Variants in PTPRO observed in about 807,000 individuals in gnomAD.
PTPRO encodes the protein protein tyrosine phosphatase receptor type O, also known as receptor-type tyrosine-protein phosphatase O.
A neutral mutation model predicts 145.2 loss-of-function variants in PTPRO; 62 were observed. The observed-to-expected ratio is 0.43, with a 90% CI of 0.35 to 0.53. PTPRO has a LOEUF of 0.53. PTPRO is among the 20% of genes least tolerant of loss of function. PTPRO has a pLI of 0.01. For synonymous variants in PTPRO, 565 were observed against 514.7 expected, an observed-to-expected ratio of 1.10 and a Z score of -1.32; for missense variants, 1,345 against 1,482.7, an observed-to-expected ratio of 0.91 and a Z score of 1.53.
rs190729005 is a variant in PTPRO at position 15,440,281 on chromosome 12, C to A, written c.76-43693C>A. On this transcript the variant is annotated intron_variant, in intron 1 of 26. Coordinates refer to ENST00000281171, the MANE Select transcript of PTPRO (RefSeq NM_030667.3). ...CTAAGACCTACAGCTACCTGACCCC[C>A]AACCTCCGGAAGGAGACTGTATTCA... The A allele has an allele frequency of 1.5e-3, 853 of 586,138 alleles. 4 individuals are homozygous for A. The highest frequency in any genetic ancestry group is 0.013 in the African/African-American group (698 of 52,630). The allele number at this position is 586,138 out of a possible 1,614,324, so 36.3% of individuals were successfully genotyped here.
rs139639203 is a variant in PTPRO at position 15,473,818 on chromosome 12, A to AAC, written c.76-10152_76-10151dup. On this transcript the variant is annotated intron_variant, in intron 1 of 26. Coordinates refer to ENST00000281171, the MANE Select transcript of PTPRO (RefSeq NM_030667.3). Reference sequence around the variant, plus strand: ...ATCAAGTGACTCAAAACTAAAATATAACACAATAACCTTTGAAATACAACT... The same window carrying AAC: ...ATCAAGTGACTCAAAACTAAAATATAACACACAATAACCTTTGAAATACAACT... Among the ~76,000 whole-genome samples the AAC allele has an allele frequency of 5.0e-3, 760 of 152,048 alleles. 53 individuals carry two copies. The East Asian group carries it at 0.13, about 27-fold the overall frequency.
chr12:15,533,571 A>G (rs1203611399), intron 12 of PTPRO, among the ~76,000 whole-genome samples: 3 of 152,170 alleles, frequency 2.0e-5, no homozygotes, highest in Non-Finnish European at 4.4e-5. Context: ...TGCAGTTAAT[A>G]TTTAATCGGA....
intron 1 of PTPRO, among the ~76,000 whole-genome samples, chr12:15,418,478 T>C (rs911592295): frequency 2.0e-4 from 30 of 151,746 alleles, no homozygotes; most frequent in African/African-American, 6.8e-4. Flanking sequence ...GAGGTATAGA[T>C]ACTGTTGATT....
At chr12:15,483,520 G>A (rs749823458) in intron 1 of PTPRO, among the ~76,000 whole-genome samples, 1 of 152,012 alleles carries the variant, frequency 6.6e-6, no homozygotes, top group South Asian at 2.1e-4. Flanking sequence ...GGAAATAGAC[G>A]AAATAACTGC....
At chr12:15,405,622 G>T (rs927019396) in intron 1 of PTPRO, among the ~76,000 whole-genome samples, 1 of 152,074 alleles carries the variant, frequency 6.6e-6, no homozygotes, top group African/African-American at 2.4e-5. Context: ...ATTACTCTTT[G>T]CACAAAAAAT....
chr12:15,467,452 AAC>A (rs1941442499), intron 1 of PTPRO, among the ~76,000 whole-genome samples: 1 of 150,318 alleles, frequency 6.7e-6, no homozygotes, highest in Non-Finnish European at 1.5e-5. Context: ...GTACAAAATC[AAC>A]ACTGTAACCA....
At chr12:15,434,482 G>A (rs560330991) in intron 1 of PTPRO, among the ~76,000 whole-genome samples, 1 of 152,266 alleles carries the variant, frequency 6.6e-6, no homozygotes, top group South Asian at 2.1e-4. Context: ...TCCTGGAAAA[G>A]GGGAAAATTG....
chr12:15,339,187 A>G (rs1469577432), intron 1 of PTPRO, among the ~76,000 whole-genome samples: 1 of 152,192 alleles, frequency 6.6e-6, no homozygotes, highest in Admixed American at 6.5e-5. Flanking sequence ...TAAGTCCAAT[A>G]GAGTTTAAAC....
At chr12:15,585,659 C>G (rs1463038550) in intron 23 of PTPRO, among the ~76,000 whole-genome samples, 1 of 152,170 alleles carries the variant, frequency 6.6e-6, no homozygotes, top group Non-Finnish European at 1.5e-5. Context: ...TAGCTCAAAA[C>G]TGACAGCGAG....
intron 7 of PTPRO, among the ~76,000 whole-genome samples, chr12:15,513,100 A>AAAGAAAG (rs1942480114): frequency 6.6e-5 from 1 of 15,256 alleles, no homozygotes; most frequent in African/African-American, 1.5e-4. Flanking sequence ...AAGAAGAAAG[A>AAAGAAAG]AAGAAAGAAA....
At chr12:15,513,084 GA>G (rs199514440) in intron 7 of PTPRO, among the ~76,000 whole-genome samples, 5,470 of 87,144 alleles carry the variant, frequency 0.063, 771 homozygotes, top group Admixed American at 0.091. Context: ...AAGAAAGAAA[GA>G]AAGAAAGAAG....
rs191087652 is a variant in PTPRO at position 15,541,325 on chromosome 12, C to G, written c.2165-5244C>G. 1.3e-3 allele frequency among the ~76,000 whole-genome samples: 194 copies of G among 152,242 alleles called. 2 individuals carry two copies. The highest frequency in any genetic ancestry group is 4.4e-3 in the African/African-American group (184 of 41,556). On this transcript the variant is annotated intron_variant, in intron 12 of 26. Coordinates refer to ENST00000281171, the MANE Select transcript of PTPRO (RefSeq NM_030667.3). Reference sequence around the variant, plus strand: ...CTCAACATTATTGGTTTTTTCCTATCCTTCTGCTTTAGAAGACTGACTGTA... The same window carrying G: ...CTCAACATTATTGGTTTTTTCCTATGCTTCTGCTTTAGAAGACTGACTGTA...
At chr12:15,366,262 C>T (rs1335058642) in intron 1 of PTPRO, among the ~76,000 whole-genome samples, 1 of 152,120 alleles carries the variant, frequency 6.6e-6, no homozygotes, top group African/African-American at 2.4e-5. Context: ...TTAGCCTAAT[C>T]TTTACTATAG....
chr12:15,475,655 A>G (rs1591634562), intron 1 of PTPRO, among the ~76,000 whole-genome samples: 1 of 152,176 alleles, frequency 6.6e-6, no homozygotes, highest in Non-Finnish European at 1.5e-5. Flanking sequence ...CAATAGGTTA[A>G]AAGTAAAAGG....
chr12:15,472,716 T>G (rs915526737), intron 1 of PTPRO, among the ~76,000 whole-genome samples: 1 of 152,202 alleles, frequency 6.6e-6, no homozygotes, highest in African/African-American at 2.4e-5. Flanking sequence ...GAAGTCTAGA[T>G]CAAACAAATT....
chr12:15,439,907 GC>G, intron 1 of PTPRO: 2 of 662,532 alleles, frequency 3.0e-6, no homozygotes. Context: ...GGTGTTTGTT[GC>G]CATTGGGGAC....
intron 1 of PTPRO, among the ~76,000 whole-genome samples, chr12:15,380,929 A>G (rs997546798): frequency 1.3e-5 from 2 of 152,180 alleles, no homozygotes; most frequent in African/African-American, 4.8e-5. Context: ...TTAAAGAAGG[A>G]GACATACTAT....
intron 1 of PTPRO, among the ~76,000 whole-genome samples, chr12:15,451,915 C>T (rs1941055957): frequency 1.3e-5 from 2 of 152,068 alleles, no homozygotes; most frequent in African/African-American, 4.8e-5. Context: ...AATAGACAAT[C>T]TAAGGTCACA....
chr12:15,464,615 T>C (rs1334247629), intron 1 of PTPRO, among the ~76,000 whole-genome samples: 1 of 151,798 alleles, frequency 6.6e-6, no homozygotes, highest in Non-Finnish European at 1.5e-5. Context: ...CACCTTGGCC[T>C]CCCAAAGTGC....
Sources: allele counts gnomAD v4.1 joint callset (sites outside exome capture counted in the v4.1 genomes callset), GRCh38; gene constraint gnomAD v4.1.1; transcripts MANE v1.5; gene names NCBI Gene and HGNC (gene_info 2026-07-23, HGNC 2026-07-21).